IL1RAPL2: variants seen among roughly 807,000 people sequenced by gnomAD.
IL1RAPL2 encodes the protein interleukin 1 receptor accessory protein like 2, also known as X-linked interleukin-1 receptor accessory protein-like 2.
IL1RAPL2 carries 3 observed loss-of-function variants against 44.1 expected under a neutral mutation model. That is an observed-to-expected ratio of 0.07 (90% confidence interval 0.03 to 0.18). IL1RAPL2 has a LOEUF of 0.18. Among genes scored for constraint, IL1RAPL2 ranks in the 10% least tolerant of loss-of-function variants. IL1RAPL2 has a pLI of 1.00. For missense variants in IL1RAPL2, 391 were observed against 496.4 expected (o/e 0.79, Z 2.02); for synonymous variants, 181 against 178.8 (o/e 1.01, Z -0.10).
At chrX:105,669,494 C>A (rs762643581) in intron 6 of IL1RAPL2, among the ~76,000 whole-genome samples, 2 of 111,631 alleles carry the variant, frequency 1.8e-5, no homozygotes, top group Non-Finnish European at 3.8e-5. Flanking sequence ...CCTGGTCTTG[C>A]GGCATTCTTC....
At chrX:105,258,566 C>A (rs2034333082) in intron 4 of IL1RAPL2, among the ~76,000 whole-genome samples, 1 of 111,917 alleles carries the variant, frequency 8.9e-6, no homozygotes, top group African/African-American at 3.3e-5. Context: ...TTCAGGGATG[C>A]CAGTGATTCA....
intron 2 of IL1RAPL2, among the ~76,000 whole-genome samples, chrX:105,056,060 T>A (rs5962458): frequency 0.022 from 2,506 of 111,796 alleles, 60 homozygotes; most frequent in African/African-American, 0.078. Context: ...CATTACAATT[T>A]TGAAAGAAAA....
intron 5 of IL1RAPL2, among the ~76,000 whole-genome samples, chrX:105,344,416 A>G (rs2035094748): frequency 9.0e-6 from 1 of 111,610 alleles, no homozygotes; most frequent in Admixed American, 9.6e-5. Context: ...ATGATGGTAC[A>G]TAAGCTGTTG....
intron 3 of IL1RAPL2, chrX:105,219,090 C>T (rs2033904669): frequency 8.3e-7 from 1 of 1,211,234 alleles, no homozygotes; most frequent in Non-Finnish European, 1.1e-6. Context: ...GAGGTCTTTG[C>T]TGATGAGGTT....
chrX:105,366,134 AT>A, intron 5 of IL1RAPL2, among the ~76,000 whole-genome samples: 1 of 110,208 alleles, frequency 9.1e-6, no homozygotes, highest in Non-Finnish European at 1.9e-5. Flanking sequence ...TTTTAGTGAG[AT>A]GGGGTTTTAT....
intron 2 of IL1RAPL2, among the ~76,000 whole-genome samples, chrX:104,730,445 T>G (rs1931887207): frequency 2.1e-5 from 2 of 95,668 alleles, no homozygotes; most frequent in Non-Finnish European, 4.2e-5. Context: ...ATTGTTCAAT[T>G]CCCATCTATG....
chrX:105,377,678 G>C (rs1569431520), intron 5 of IL1RAPL2, among the ~76,000 whole-genome samples: 1 of 111,356 alleles, frequency 9.0e-6, no homozygotes, highest in African/African-American at 3.3e-5. Flanking sequence ...CTGTAGTTTA[G>C]AAGACCAGGT....
chrX:105,649,612 A>G (rs754961416), intron 6 of IL1RAPL2, among the ~76,000 whole-genome samples: 19 of 111,705 alleles, frequency 1.7e-4, no homozygotes, highest in Non-Finnish European at 3.0e-4. Context: ...TTCTCAACAA[A>G]TACTTGAGTT....
At chrX:105,740,033 T>C (rs1389401489) in intron 7 of IL1RAPL2, among the ~76,000 whole-genome samples, 1 of 104,786 alleles carries the variant, frequency 9.5e-6, no homozygotes, top group Admixed American at 1.0e-4. Context: ...TTTTTAATGA[T>C]TGCCATTCTA....
intron 1 of IL1RAPL2, among the ~76,000 whole-genome samples, chrX:104,651,991 C>T (rs1930161570): frequency 1.8e-5 from 2 of 111,686 alleles, no homozygotes; most frequent in South Asian, 7.5e-4. Flanking sequence ...CCAGGAAGTA[C>T]TGCAAGGAAG....
chrX:104,597,365 G>T (rs1473303876), intron 1 of IL1RAPL2, among the ~76,000 whole-genome samples: 2 of 103,704 alleles, frequency 1.9e-5, no homozygotes, highest in Admixed American at 1.0e-4. Flanking sequence ...AAAAAAAAAA[G>T]AGAGAGACAT....
chrX:104,950,389 T>A (rs1925538498), intron 2 of IL1RAPL2, among the ~76,000 whole-genome samples: 1 of 112,708 alleles, frequency 8.9e-6, no homozygotes, highest in Admixed American at 9.3e-5. Flanking sequence ...ACAGGGACGT[T>A]TAAGTCTACA....
At chrX:104,647,900 T>A in intron 1 of IL1RAPL2, 1 of 649,799 alleles carries the variant, frequency 1.5e-6, no homozygotes. Context: ...GACAGCTCTG[T>A]GACCAGCATC....
chrX:105,472,620 G>C (rs2036172505), intron 5 of IL1RAPL2, among the ~76,000 whole-genome samples: 1 of 111,135 alleles, frequency 9.0e-6, no homozygotes, highest in African/African-American at 3.3e-5. Context: ...TTTTTTCCTT[G>C]GAACTATGAG....
intron 2 of IL1RAPL2, among the ~76,000 whole-genome samples, chrX:104,698,405 C>T (rs544423167): frequency 8.9e-6 from 1 of 111,810 alleles, no homozygotes; most frequent in South Asian, 3.8e-4. Flanking sequence ...TAGAAGCTGG[C>T]TACCACAGAA....
In IL1RAPL2 at chrX:105,052,046, A is replaced by T. The variant is rs781633083; in HGVS notation, c.83-143429A>T. Among the ~76,000 whole-genome samples, 8 of 112,873 alleles carry T rather than the reference A, an allele frequency of 7.1e-5. No homozygotes were observed. In the East Asian group the frequency reaches 2.2e-3, roughly 32 times the overall value. On this transcript the variant is annotated intron_variant, in intron 2 of 10. Transcript: ENST00000372582. ...GGATTAGCCTTGTTATGACTGACAG[A>T]AAACCTTAAATAAGAGTGACTTATA...
chrX:104,724,500 G>A (rs1207817440), intron 2 of IL1RAPL2, among the ~76,000 whole-genome samples: 1 of 111,250 alleles, frequency 9.0e-6, no homozygotes, highest in Non-Finnish European at 1.9e-5. Flanking sequence ...AATATTCAAA[G>A]AGATAATGGC....
chrX:105,601,315 GCTCAC>G (rs912516825), intron 6 of IL1RAPL2, among the ~76,000 whole-genome samples: 6 of 111,014 alleles, frequency 5.4e-5, no homozygotes, highest in African/African-American at 2.0e-4. Context: ...AGTGCCCAAT[GCTCAC>G]CTCCTTCACA....
chrX:105,296,738 A>G (rs1457479952), intron 5 of IL1RAPL2, among the ~76,000 whole-genome samples: 2 of 112,451 alleles, frequency 1.8e-5, no homozygotes, highest in African/African-American at 6.5e-5. Flanking sequence ...TCACCAAAAA[A>G]TTCTGTCACC....
Sources: gnomAD v4.1 joint callset for allele counts (sites outside exome capture counted in the v4.1 genomes callset) on GRCh38, gnomAD v4.1.1 for gene constraint, MANE v1.5 for transcripts, NCBI Gene and HGNC (gene_info 2026-07-23, HGNC 2026-07-21) for gene names.